Variants in PRKCI observed in about 807,000 individuals in gnomAD.
The protein encoded by PRKCI is protein kinase C iota type.
In PRKCI, 43 loss-of-function variants were observed where a neutral mutation model predicts 84.0. The ratio of observed to expected loss-of-function variants is 0.51; its 90% confidence interval spans 0.40 to 0.66. PRKCI has a LOEUF of 0.66. PRKCI is among the 30% of genes least tolerant of loss of function. The pLI, the probability that PRKCI is intolerant of heterozygous loss-of-function variation, is 0.00. For missense variants in PRKCI, 459 were observed against 745.6 expected, an observed-to-expected ratio of 0.62 and a Z score of 4.48; for synonymous variants, 216 against 234.4, an observed-to-expected ratio of 0.92 and a Z score of 0.72.
intron 13 of PRKCI, among the ~76,000 whole-genome samples, chr3:170,292,443 C>T (rs1433460509): frequency 1.3e-5 from 2 of 152,116 alleles, no homozygotes; most frequent in African/African-American, 4.8e-5. Context: ...ATCTCAGGCA[C>T]CCGAAGATAC....
intron 1 of PRKCI, among the ~76,000 whole-genome samples, chr3:170,234,795 T>G (rs1732902580): frequency 6.6e-6 from 1 of 152,162 alleles, no homozygotes; most frequent in African/African-American, 2.4e-5. Flanking sequence ...TTGATTTTTT[T>G]GTTTTCTTTT....
chr3:170,297,275 C>T (rs1487090192), intron 15 of PRKCI, 29 bp from the exon 16 acceptor site: 4 of 1,539,914 alleles, frequency 2.6e-6, no homozygotes, highest in Non-Finnish European at 3.6e-6. Flanking sequence ...GACATTCACC[C>T]AATTCTTGAA....
Position 170,224,683 on chromosome 3 carries a change from C to T in PRKCI, c.101+1913C>T, listed in dbSNP as rs558410155. 7.2e-5 allele frequency among the ~76,000 whole-genome samples: 11 copies of T among 152,006 alleles called. No homozygotes were observed. In the South Asian group the frequency reaches 2.3e-3, roughly 32 times the overall value. On this transcript the variant is annotated intron_variant, in intron 1 of 17. Transcript: ENST00000295797. ...GGATTACAGGCATGTGCCACCACAC[C>T]CGGCTAATTTTTGTATTTTTAGTAG... is the stretch of plus-strand genomic sequence containing the variant.
chr3:170,286,811 C>G (rs1303599037), intron 12 of PRKCI, among the ~76,000 whole-genome samples: 1 of 139,954 alleles, frequency 7.1e-6, no homozygotes, highest in East Asian at 2.1e-4. Context: ...TTTTTACTTT[C>G]TTTTTTTTTT....
At chr3:170,223,479 A>C (rs1732549362) in intron 1 of PRKCI, among the ~76,000 whole-genome samples, 1 of 152,196 alleles carries the variant, frequency 6.6e-6, no homozygotes, top group African/African-American at 2.4e-5. Flanking sequence ...AGACTAGCCT[A>C]GTTACAGTTT....
chr3:170,287,704 G>GT (rs1734429321), intron 12 of PRKCI, among the ~76,000 whole-genome samples: 1 of 151,696 alleles, frequency 6.6e-6, no homozygotes, highest in African/African-American at 2.4e-5. Flanking sequence ...GAGGTCAGGA[G>GT]TTTGAGACCA....
chr3:170,284,143 C>T (rs560987167), intron 11 of PRKCI, among the ~76,000 whole-genome samples: 6 of 152,102 alleles, frequency 3.9e-5, no homozygotes, highest in South Asian at 2.1e-4. Context: ...CATGTACATA[C>T]GGGCATACAC....
intron 4 of PRKCI, among the ~76,000 whole-genome samples, chr3:170,267,274 A>G (rs915745964): frequency 2.6e-5 from 4 of 152,182 alleles, no homozygotes; most frequent in Non-Finnish European, 5.9e-5. Context: ...CAAAACATGA[A>G]TAATTGGTAA....
At chr3:170,258,247 G>A (rs1424378582) in intron 2 of PRKCI, among the ~76,000 whole-genome samples, 3 of 151,486 alleles carry the variant, frequency 2.0e-5, no homozygotes, top group East Asian at 3.9e-4. Context: ...ATGGGAATTA[G>A]CAAATCAATG....
intron 2 of PRKCI, among the ~76,000 whole-genome samples, chr3:170,250,436 C>CA (rs1733413096): frequency 2.0e-5 from 2 of 99,004 alleles, no homozygotes; most frequent in Non-Finnish European, 4.1e-5. Flanking sequence ...TTACCAACCC[C>CA]CCCCCCCCAA....
intron 13 of PRKCI, 26 bp from the exon 14 acceptor site, chr3:170,293,357 T>C: frequency 6.3e-7 from 1 of 1,593,648 alleles, no homozygotes; most frequent in Non-Finnish European, 8.5e-7. Flanking sequence ...GTGTATAATT[T>C]ATTGCTTTAA....
chr3:170,225,882 A>T (rs73034307), intron 1 of PRKCI, among the ~76,000 whole-genome samples: 2,954 of 151,534 alleles, frequency 0.019, 89 homozygotes, highest in African/African-American at 0.068. Flanking sequence ...ATAACATTTA[A>T]TTTTTTTCTA....
chr3:170,282,029 C>G (rs891872610), intron 11 of PRKCI, 61 bp downstream of exon 11: 22 of 1,548,058 alleles, frequency 1.4e-5, no homozygotes, highest in Middle Eastern at 3.4e-4. Context: ...TTTTTATGTG[C>G]AGTGGTTGGA....
At chr3:170,250,094 C>G (rs988707322) in intron 2 of PRKCI, among the ~76,000 whole-genome samples, 1 of 150,344 alleles carries the variant, frequency 6.7e-6, no homozygotes, top group Non-Finnish European at 1.5e-5. Flanking sequence ...TGGCCTCTGT[C>G]GCTATTAAAA....
intron 2 of PRKCI, among the ~76,000 whole-genome samples, chr3:170,244,171 C>T (rs1733210591): frequency 1.3e-5 from 2 of 152,164 alleles, no homozygotes; most frequent in African/African-American, 4.8e-5. Context: ...CCCCTGCCAA[C>T]CAAACCTGAT....
chr3:170,222,445 C>T lies in PRKCI; in HGVS notation c.-225C>T. On this transcript the variant is annotated 5_prime_UTR_variant, in exon 1 of 18. Coordinates refer to ENST00000295797, the MANE Select transcript of PRKCI (RefSeq NM_002740.6). ...GACCGACGCAGGAGGTGTCTTGGGCCCGGGCGGCTGTAGAGGCGGCGGCGC... is the reference window on the plus strand; with the variant it reads ...GACCGACGCAGGAGGTGTCTTGGGCTCGGGCGGCTGTAGAGGCGGCGGCGC... The T allele has an allele frequency of 2.2e-6, 1 of 451,270 alleles. No homozygotes were observed. Among genetic ancestry groups the T allele is most frequent in the Non-Finnish European group, 3.9e-6 (1 of 259,720 alleles). The allele number at this position is 451,270 out of a possible 1,614,324, so 28.0% of individuals were successfully genotyped here. A position where few individuals can be genotyped will look rare whatever the true frequency, so the allele number is the denominator to read the frequency against.
intron 15 of PRKCI, among the ~76,000 whole-genome samples, chr3:170,296,425 A>G (rs181392609): frequency 2.6e-5 from 4 of 152,284 alleles, no homozygotes; most frequent in African/African-American, 9.6e-5. Flanking sequence ...AAATGCTATA[A>G]TTAGGTAAGA....
intron 4 of PRKCI, among the ~76,000 whole-genome samples, chr3:170,265,154 A>G (rs1269282647): frequency 2.0e-5 from 3 of 151,716 alleles, no homozygotes; most frequent in African/African-American, 7.3e-5. Flanking sequence ...GCGCCAGTAC[A>G]TTCCAATCTG....
chr3:170,226,070 G>A (rs1412694842), intron 1 of PRKCI, among the ~76,000 whole-genome samples: 1 of 151,728 alleles, frequency 6.6e-6, no homozygotes, highest in African/African-American at 2.4e-5. Context: ...CCACCACCAC[G>A]CCCAGCTAAT....
Sources: gnomAD v4.1 joint callset for allele counts (sites outside exome capture counted in the v4.1 genomes callset) on GRCh38, gnomAD v4.1.1 for gene constraint, MANE v1.5 for transcripts, NCBI Gene and HGNC (gene_info 2026-07-23, HGNC 2026-07-21) for gene names.